The following CA1 variants were observed in gnomAD, a reference collection of about 807,000 sequenced individuals.
The protein encoded by CA1 is carbonate dehydratase I.
Under a neutral mutation model 28.8 loss-of-function variants are expected in CA1, and 27 were observed. The observed-to-expected ratio is 0.94, with a 90% CI of 0.69 to 1.29. The LOEUF (loss-of-function observed/expected upper bound fraction) is 1.29. CA1 is among the 50% of genes most tolerant of loss of function. The pLI is 0.00. For missense variants in CA1, 335 were observed against 310.5 expected (o/e 1.08, Z -0.59); for synonymous variants, 121 against 108.8 (o/e 1.11, Z -0.70).
chr8:85,376,434 G>A (rs967109628), intron 1 of CA1, among the ~76,000 whole-genome samples: 5 of 152,072 alleles, frequency 3.3e-5, no homozygotes, highest in African/African-American at 7.2e-5. Flanking sequence ...GGCCGAGGTA[G>A]GCGGATCATC....
In CA1 at chr8:85,335,635, G is replaced by A. The variant is rs75498704; in HGVS notation, c.354+1310C>T. Among the ~76,000 whole-genome samples, 141 of 152,236 alleles carry A rather than the reference G, an allele frequency of 9.3e-4. No individual in the cohort carries two copies. In the East Asian group the frequency reaches 0.019, roughly 21 times the overall value. Reference sequence around the variant, plus strand: ...ATCATATGCTAAACTTTGTGGCTAAGTGTCTCTCAATATCTAGCATGGATT... The same window carrying A: ...ATCATATGCTAAACTTTGTGGCTAAATGTCTCTCAATATCTAGCATGGATT... On this transcript the variant is annotated intron_variant, in intron 4 of 7. Coordinates refer to ENST00000523022, the MANE Select transcript of CA1 (RefSeq NM_001128831.4).
At chr8:85,370,659 G>C (rs1810186569) in intron 1 of CA1, among the ~76,000 whole-genome samples, 1 of 152,082 alleles carries the variant, frequency 6.6e-6, no homozygotes, top group African/African-American at 2.4e-5. Flanking sequence ...AAAATGACAA[G>C]TGCTGTCAAA....
At chr8:85,375,861 T>C (rs1302354089) in intron 1 of CA1, among the ~76,000 whole-genome samples, 4 of 152,182 alleles carry the variant, frequency 2.6e-5, no homozygotes, top group South Asian at 2.1e-4. Context: ...CAGTAGATAG[T>C]GTTAATCACG....
chr8:85,351,582 T>C (rs1809413749), intron 1 of CA1: 1 of 152,238 alleles, frequency 6.6e-6, no homozygotes, highest in African/African-American at 2.4e-5. Context: ...TGTGACCTTT[T>C]AGTGCCTTGG....
At chr8:85,355,127 TACTG>T (rs1809555435) in intron 1 of CA1, among the ~76,000 whole-genome samples, 1 of 152,162 alleles carries the variant, frequency 6.6e-6, no homozygotes, top group Non-Finnish European at 1.5e-5. Flanking sequence ...CATGGCCTGA[TACTG>T]ACCACTAGTT....
At chr8:85,335,584 C>T (rs896405347) in intron 4 of CA1, among the ~76,000 whole-genome samples, 23 of 152,110 alleles carry the variant, frequency 1.5e-4, no homozygotes, top group Non-Finnish European at 2.8e-4. Context: ...ATAGGTATCT[C>T]AAGAAGGTTT....
At chr8:85,352,043 G>A (rs1809430759) in intron 1 of CA1, among the ~76,000 whole-genome samples, 1 of 152,118 alleles carries the variant, frequency 6.6e-6, no homozygotes, top group African/African-American at 2.4e-5. Context: ...ACTGTCTCAG[G>A]CACCACAACT....
At chr8:85,357,278 C>T (rs894987913) in intron 1 of CA1, among the ~76,000 whole-genome samples, 1 of 152,104 alleles carries the variant, frequency 6.6e-6, no homozygotes, top group East Asian at 1.9e-4. Context: ...CAATGTGGAG[C>T]GGGTCAACAC....
chr8:85,355,698 G>T (rs1372070227), intron 1 of CA1, among the ~76,000 whole-genome samples: 1 of 151,586 alleles, frequency 6.6e-6, no homozygotes, highest in African/African-American at 2.4e-5. Flanking sequence ...ACCGTGCCTG[G>T]CCCAGATTTA....
At chr8:85,333,383 C>A (rs1808492585) in intron 5 of CA1, 142 bp downstream of exon 5, 2 of 613,236 alleles carry the variant, frequency 3.3e-6, no homozygotes. Context: ...TACTAGGGAA[C>A]TATTTGTTCA....
chr8:85,371,274 T>C (rs1810216194), intron 1 of CA1, among the ~76,000 whole-genome samples: 1 of 152,194 alleles, frequency 6.6e-6, no homozygotes, highest in Admixed American at 6.5e-5. Flanking sequence ...TTCCTAAAGG[T>C]AAGCCTCTGG....
At chr8:85,348,658 T>A (rs1809293323) in intron 1 of CA1, among the ~76,000 whole-genome samples, 1 of 152,190 alleles carries the variant, frequency 6.6e-6, no homozygotes, top group South Asian at 2.1e-4. Context: ...CTCTAGACTG[T>A]CTTTTGTTTC....
At chr8:85,376,657 AAAAATAAAT>A (rs1810428000) in intron 1 of CA1, among the ~76,000 whole-genome samples, 1 of 135,082 alleles carries the variant, frequency 7.4e-6, no homozygotes, top group Non-Finnish European at 1.6e-5. Flanking sequence ...AAATTGTCTC[AAAAATAAAT>A]AAATAAATAA....
At chr8:85,337,551 C>A (rs965390666) in intron 3 of CA1, among the ~76,000 whole-genome samples, 2 of 152,006 alleles carry the variant, frequency 1.3e-5, no homozygotes, top group African/African-American at 4.8e-5. Context: ...TGGCCAGGGA[C>A]CAAGAGAGAG....
chr8:85,369,664 G>A (rs1810143241), intron 1 of CA1, among the ~76,000 whole-genome samples: 1 of 152,114 alleles, frequency 6.6e-6, no homozygotes, highest in Non-Finnish European at 1.5e-5. Context: ...TGATGCAAAA[G>A]TTGTACTTAA....
Position 85,328,254 on chromosome 8 carries a change from T to G in CA1, c.*306A>C. 4.9e-6 allele frequency: 1 copy of G among 202,854 alleles called. No homozygotes were observed. The highest frequency in any genetic ancestry group is 1.0e-5 in the Non-Finnish European group (1 of 100,462). The allele number at this position is 202,854 out of a possible 1,614,324, so 12.6% of individuals were successfully genotyped here. ...GAAAGAGATAAAATTATTTTATTGG[T>G]TCAAATAAACTGAAAAAAATAGACA... On this transcript the variant is annotated 3_prime_UTR_variant, in exon 8 of 8. Transcript: ENST00000523022.
chr8:85,334,614 CCCTCCCTTCCTTCCTT>C (rs1345943801), intron 4 of CA1, among the ~76,000 whole-genome samples: 38 of 142,796 alleles, frequency 2.7e-4, no homozygotes, highest in Middle Eastern at 3.5e-3. Context: ...CTTCCTTCCT[CCCTCCCTTCCTTCCTT>C]CCTCCCTCCC....
At chr8:85,360,112 A>G (rs919937480) in intron 1 of CA1, among the ~76,000 whole-genome samples, 3 of 152,232 alleles carry the variant, frequency 2.0e-5, no homozygotes, top group African/African-American at 7.2e-5. Context: ...AACAAATTCC[A>G]TAGCCCTTCT....
chr8:85,327,741 G>A lies in CA1; in HGVS notation c.*819C>T, dbSNP rs1267317092. ...TCAATTAAAGATAAAAATAGCATAAGGTGAAGCGCACATCTGACTAAAAGA... is the reference window on the plus strand; with the variant it reads ...TCAATTAAAGATAAAAATAGCATAAAGTGAAGCGCACATCTGACTAAAAGA... On this transcript the variant is annotated 3_prime_UTR_variant, in exon 8 of 8. Transcript: ENST00000523022. 1 of 152,108 alleles carries A rather than the reference G, an allele frequency of 6.6e-6. No individual in the cohort carries two copies. The highest frequency in any genetic ancestry group is 1.5e-5 in the Non-Finnish European group (1 of 68,024). The allele number at this position is 152,108 out of a possible 1,614,324, so 9.4% of individuals were successfully genotyped here. A position where few individuals can be genotyped will look rare whatever the true frequency, so the allele number is the denominator to read the frequency against.
Sources: gnomAD v4.1 joint callset for allele counts (sites outside exome capture counted in the v4.1 genomes callset) on GRCh38, gnomAD v4.1.1 for gene constraint, MANE v1.5 for transcripts, NCBI Gene and HGNC (gene_info 2026-07-23, HGNC 2026-07-21) for gene names.